The following RICTOR variants were observed in gnomAD, a reference collection of about 807,000 sequenced individuals.
RICTOR encodes RPTOR independent companion of MTOR complex 2.
In RICTOR, 49 loss-of-function variants were observed where a neutral mutation model predicts 214.9. That is an observed-to-expected ratio of 0.23 (90% CI 0.18 to 0.29). The LOEUF (loss-of-function observed/expected upper bound fraction) is 0.29, where lower values mean the gene tolerates loss of function less well. Among genes scored for constraint, RICTOR ranks in the 10% least tolerant of loss-of-function variants. RICTOR has a pLI of 1.00. For missense variants in RICTOR, 1,625 were observed against 2,047.0 expected, an observed-to-expected ratio of 0.79 and a Z score of 3.98; for synonymous variants, 717 against 711.3, an observed-to-expected ratio of 1.01 and a Z score of -0.13.
chr5:38,956,642 TAATC>T (rs926723002), intron 25 of RICTOR, among the ~76,000 whole-genome samples: 3 of 152,130 alleles, frequency 2.0e-5, no homozygotes, highest in Non-Finnish European at 4.4e-5. Context: ...GCAGAATCAT[TAATC>T]TCTCCTCTGT....
intron 16 of RICTOR, among the ~76,000 whole-genome samples, chr5:38,963,272 T>C (rs1434772994): frequency 6.6e-6 from 1 of 152,028 alleles, no homozygotes; most frequent in Non-Finnish European, 1.5e-5. Flanking sequence ...AAACTTTTCT[T>C]CTATGGTGGT....
At chr5:38,979,691 C>CT (rs986517029) in intron 8 of RICTOR, among the ~76,000 whole-genome samples, 1 of 152,192 alleles carries the variant, frequency 6.6e-6, no homozygotes, top group Non-Finnish European at 1.5e-5. Context: ...CTGACTGGAG[C>CT]TAGAGGATCT....
intron 16 of RICTOR, among the ~76,000 whole-genome samples, chr5:38,964,167 G>A (rs754484345): frequency 1.3e-5 from 2 of 151,664 alleles, no homozygotes; most frequent in Non-Finnish European, 3.0e-5. Context: ...CATTCCTAGC[G>A]TAGATATAAT....
intron 26 of RICTOR, 46 bp downstream of exon 26, chr5:38,955,549 A>C: frequency 9.9e-7 from 1 of 1,012,668 alleles, no homozygotes; most frequent in South Asian, 1.3e-5. Context: ...AATGTTAAAA[A>C]TAATTTATGA....
intron 9 of RICTOR, among the ~76,000 whole-genome samples, chr5:38,976,219 G>T (rs774519369): frequency 6.6e-6 from 1 of 152,106 alleles, no homozygotes; most frequent in Non-Finnish European, 1.5e-5. Flanking sequence ...CTTATGGCCA[G>T]TTTCAATACT....
At chr5:39,072,420 AGCT>A (rs898269270) in intron 2 of RICTOR, among the ~76,000 whole-genome samples, 2 of 152,208 alleles carry the variant, frequency 1.3e-5, no homozygotes, top group African/African-American at 4.8e-5. Flanking sequence ...TATATATAGG[AGCT>A]CGACGAACTC....
intron 2 of RICTOR, among the ~76,000 whole-genome samples, chr5:39,039,524 C>G (rs912220207): frequency 2.0e-5 from 3 of 152,128 alleles, no homozygotes; most frequent in Admixed American, 1.3e-4. Context: ...TCAGAGTGAA[C>G]AGGTAACCTA....
chr5:38,944,429 G>C lies in RICTOR; in HGVS notation c.4913+17C>G, dbSNP rs750741403. ...AACAGAATAAACAAATAATACTCAT[G>C]CACATAGTTTACTCACGTTAAAAGC... On this transcript the variant is annotated intron_variant, in intron 36 of 37. Coordinates refer to ENST00000357387, the MANE Select transcript of RICTOR (RefSeq NM_152756.5). 16 of 1,589,970 alleles carry C rather than the reference G, an allele frequency of 1.0e-5. No individual in the cohort carries two copies. Among genetic ancestry groups the C allele is most frequent in the Non-Finnish European group, 1.2e-5 (14 of 1,172,186 alleles).
At chr5:39,054,265 G>A (rs1264431225) in intron 2 of RICTOR, among the ~76,000 whole-genome samples, 1 of 152,058 alleles carries the variant, frequency 6.6e-6, no homozygotes, top group Admixed American at 6.6e-5. Context: ...AAGCCATCCT[G>A]ATTCAGCACC....
rs1404536477 is a variant in RICTOR at position 38,941,602 on chromosome 5, A to C, written c.*702T>G. On this transcript the variant is annotated 3_prime_UTR_variant, in exon 38 of 38. Transcript: ENST00000357387. ...TTTTATTCAAGAACTGTAGTGAAAAACCTTAATTGGTTCATATATCCTGTA... is the reference window on the plus strand; with the variant it reads ...TTTTATTCAAGAACTGTAGTGAAAACCCTTAATTGGTTCATATATCCTGTA... 4 of 231,554 alleles carry C rather than the reference A, an allele frequency of 1.7e-5. No homozygotes were observed. The highest frequency in any genetic ancestry group is 8.8e-5 in the African/African-American group (4 of 45,262). 14.3% of individuals were successfully genotyped at this position (231,554 alleles called of 1,614,324 possible).
At chr5:39,062,788 A>T (rs1319331096) in intron 2 of RICTOR, among the ~76,000 whole-genome samples, 1 of 152,124 alleles carries the variant, frequency 6.6e-6, no homozygotes, top group Non-Finnish European at 1.5e-5. Flanking sequence ...AGATGACTAA[A>T]ATCCCTGAAG....
intron 2 of RICTOR, among the ~76,000 whole-genome samples, chr5:39,049,084 GTGAGAATC>G (rs770069505): frequency 2.6e-4 from 40 of 152,160 alleles, no homozygotes; most frequent in Middle Eastern, 3.4e-3. Context: ...AAACACCAAG[GTGAGAATC>G]TGAATTTAAA....
At chr5:38,993,102 G>A (rs890914644) in intron 6 of RICTOR, among the ~76,000 whole-genome samples, 1 of 152,132 alleles carries the variant, frequency 6.6e-6, no homozygotes, top group African/African-American at 2.4e-5. Context: ...ATAGTTGGCT[G>A]GACCAAAACT....
rs186748371 is a variant in RICTOR, at chr5:38,966,899, C to T, written c.1219-178G>A. ...CAGTATAACCTCTGCCTTCCGGGTTCAAGCAATTCTCGTGTGTCAGCCTCC... is the reference window on the plus strand; with the variant it reads ...CAGTATAACCTCTGCCTTCCGGGTTTAAGCAATTCTCGTGTGTCAGCCTCC... On this transcript the variant is annotated intron_variant, in intron 14 of 37. Coordinates refer to ENST00000357387, the MANE Select transcript of RICTOR (RefSeq NM_152756.5). 461 of 585,048 alleles carry T rather than the reference C, an allele frequency of 7.9e-4. 2 individuals carry two copies. Among genetic ancestry groups the T allele is most frequent in the African/African-American group, 7.7e-3 (407 of 53,022 alleles). 36.2% of individuals were successfully genotyped at this position (585,048 alleles called of 1,614,324 possible). A position where few individuals can be genotyped will look rare whatever the true frequency, so the allele number is the denominator to read the frequency against.
chr5:39,002,394 G>GT, intron 5 of RICTOR, 141 bp downstream of exon 5: 1 of 503,552 alleles, frequency 2.0e-6, no homozygotes, highest in Non-Finnish European at 3.5e-6. Flanking sequence ...GTGTGTGTGT[G>GT]TGTGTGTATA....
Position 38,950,128 on chromosome 5 carries a change from T to G in RICTOR, c.3720A>C (p.Thr1240=). The change falls in exon 31 of 38, where the codon ACA becomes ACC. Residue 1240 remains threonine (T), a synonymous_variant. Coordinates refer to ENST00000357387, the MANE Select transcript of RICTOR (RefSeq NM_152756.5). ...SSMSSSPSRE[T]VGVDATTMDT... ...CCATAGTTGTAGCATCTACACCTAC[T>G]GTCTCTCGTGAAGGACTTGAGCTCA... is the stretch of plus-strand genomic sequence containing the variant. 1 of 1,613,448 alleles carries G rather than the reference T, an allele frequency of 6.2e-7. No homozygotes were observed. The highest frequency in any genetic ancestry group is 8.5e-7 in the Non-Finnish European group (1 of 1,179,630).
At chr5:39,028,457 C>G (rs1215224033) in intron 2 of RICTOR, among the ~76,000 whole-genome samples, 4 of 152,122 alleles carry the variant, frequency 2.6e-5, no homozygotes, top group African/African-American at 9.7e-5. Flanking sequence ...GCTGGGATTA[C>G]AGGCGTGAGC....
intron 6 of RICTOR, 87 bp downstream of exon 6, chr5:38,996,732 A>G (rs1753205436): frequency 2.6e-6 from 2 of 771,868 alleles, no homozygotes; most frequent in Non-Finnish European, 4.4e-6. Flanking sequence ...TAATCTTAAT[A>G]AAGATTTCAC....
intron 2 of RICTOR, among the ~76,000 whole-genome samples, chr5:39,044,531 T>A: frequency 6.6e-6 from 1 of 152,072 alleles, no homozygotes; most frequent in Non-Finnish European, 1.5e-5. Context: ...AAAAAAACTA[T>A]GCTGCTTCAA....
Sources: allele counts gnomAD v4.1 joint callset (sites outside exome capture counted in the v4.1 genomes callset), GRCh38; gene constraint gnomAD v4.1.1; transcripts MANE v1.5; gene names NCBI Gene and HGNC (gene_info 2026-07-23, HGNC 2026-07-21).